Variants in CWC27 observed in about 807,000 individuals in gnomAD.
CWC27 encodes spliceosome-associated protein CWC27 homolog.
CWC27 carries 47 observed loss-of-function variants against 63.6 expected under a neutral mutation model. That is an observed-to-expected ratio of 0.74 (90% CI 0.58 to 0.94). The LOEUF is 0.94. Among genes scored for constraint, CWC27 ranks in the 40% least tolerant of loss-of-function variants. The pLI, the probability that CWC27 is intolerant of heterozygous loss-of-function variation, is 0.00. For missense variants in CWC27, 495 were observed against 554.3 expected (o/e 0.89, Z 1.07); for synonymous variants, 175 against 179.8 (o/e 0.97, Z 0.22).
At chr5:64,902,238 A>G (rs987168738) in intron 11 of CWC27, among the ~76,000 whole-genome samples, 1 of 151,536 alleles carries the variant, frequency 6.6e-6, no homozygotes, top group African/African-American at 2.4e-5. Flanking sequence ...TTACACCAGC[A>G]TAACTACAAA....
chr5:64,916,892 TAG>T (rs768156951), intron 11 of CWC27, among the ~76,000 whole-genome samples: 2,665 of 146,786 alleles, frequency 0.018, 47 homozygotes, highest in African/African-American at 0.052. Flanking sequence ...GTATTAGTAG[TAG>T]TAGTAGTAGT....
At chr5:64,924,191 C>T (rs1459367958) in intron 11 of CWC27, among the ~76,000 whole-genome samples, 2 of 152,160 alleles carry the variant, frequency 1.3e-5, no homozygotes, top group East Asian at 3.8e-4. Flanking sequence ...TCATCTCATT[C>T]TAGTTGTTTC....
Position 64,895,629 on chromosome 5 carries a change from G to A in CWC27, c.1042+10083G>A, listed in dbSNP as rs149032815. On this transcript the variant is annotated intron_variant, in intron 11 of 13. Transcript: ENST00000381070. ...TGACCAAAAGCTAGTAGAAACATCA[G>A]ACAACAGAATGAGATCCACAAAAAG... 8.5e-3 allele frequency among the ~76,000 whole-genome samples: 1,289 copies of A among 152,144 alleles called. 19 individuals carry two copies. Among genetic ancestry groups the A allele is most frequent in the Middle Eastern group, 0.031 (9 of 294 alleles).
intron 11 of CWC27, among the ~76,000 whole-genome samples, chr5:64,943,205 T>C (rs1333665374): frequency 6.7e-6 from 1 of 150,270 alleles, no homozygotes; most frequent in Non-Finnish European, 1.5e-5. Context: ...AAAACAAATG[T>C]TATTTCAGAT....
At chr5:64,855,563 A>T (rs1270077051) in intron 10 of CWC27, among the ~76,000 whole-genome samples, 1 of 152,172 alleles carries the variant, frequency 6.6e-6, no homozygotes, top group African/African-American at 2.4e-5. Flanking sequence ...CATGAGGAAC[A>T]AGTAGAACGT....
intron 13 of CWC27, among the ~76,000 whole-genome samples, chr5:65,001,169 C>T (rs1289334801): frequency 1.3e-5 from 2 of 151,878 alleles, no homozygotes; most frequent in Non-Finnish European, 2.9e-5. Flanking sequence ...GTATGTTGGG[C>T]TTTTGTCCTG....
intron 13 of CWC27, among the ~76,000 whole-genome samples, chr5:65,004,861 C>CATGTATAT (rs1749800146): frequency 2.2e-5 from 1 of 45,472 alleles, no homozygotes; most frequent in Non-Finnish European, 3.9e-5. Flanking sequence ...AAGACTTTTT[C>CATGTATAT]ATATATATAT....
intron 9 of CWC27, 106 bp from the exon 10 acceptor site, chr5:64,804,123 A>C (rs959193640): frequency 9.8e-7 from 1 of 1,024,256 alleles, no homozygotes; most frequent in South Asian, 2.4e-5. Flanking sequence ...ATAAAAAAAA[A>C]AACCTAGTTT....
chr5:64,776,068 C>CGA (rs70983650), intron 2 of CWC27, among the ~76,000 whole-genome samples: 1,713 of 108,418 alleles, frequency 0.016, 43 homozygotes, highest in Non-Finnish European at 0.019. Flanking sequence ...AGGAGTGGAG[C>CGA]GAGAGAGAGA....
chr5:64,954,931 C>A (rs1269514242), intron 11 of CWC27, among the ~76,000 whole-genome samples: 1 of 151,758 alleles, frequency 6.6e-6, no homozygotes, highest in Non-Finnish European at 1.5e-5. Flanking sequence ...ATTTGAACAT[C>A]CAAATTTATA....
At position 64,885,538 on chromosome 5, in the gene CWC27, G is replaced by T. The variant is rs768739768; in HGVS notation, c.1034G>T (p.Arg345Ile). ...AATGCAGCAAAACAAGCAGAAAAAA[G>T]AAGTGAAGGTAAGGGCATTTATCAC... ...VENAAKQAEK[R>I]SEEEEAPPDG... Residue 345 changes from arginine (R) to isoleucine (I), a missense_variant, in exon 11 of 14, where the codon AGA becomes ATA. Around this residue, in one of 3 missense-constraint regions of CWC27, gnomAD observed 463 missense variants for 498.1 expected, o/e 0.93. Coordinates refer to ENST00000381070, the MANE Select transcript of CWC27 (RefSeq NM_005869.4). 2.8e-5 allele frequency: 44 copies of T among 1,596,552 alleles called. No individual in the cohort carries two copies. The highest frequency in any genetic ancestry group is 3.7e-5 in the Non-Finnish European group (43 of 1,170,456).
chr5:64,773,874 G>T (rs1329395761), intron 1 of CWC27: 1 of 152,086 alleles, frequency 6.6e-6, no homozygotes, highest in African/African-American at 2.4e-5. Context: ...AGGCTATCAC[G>T]GGATTCTATT....
intron 11 of CWC27, among the ~76,000 whole-genome samples, chr5:64,905,536 A>T (rs1227790167): frequency 1.3e-5 from 2 of 152,242 alleles, no homozygotes; most frequent in African/African-American, 4.8e-5. Context: ...AGAACAAAAG[A>T]AATAAAGACT....
rs777071657 is a variant in CWC27 at position 64,769,098 on chromosome 5, C to T, written c.-49C>T. On this transcript the variant is annotated 5_prime_UTR_variant, in exon 1 of 14. Transcript: ENST00000381070. Reference sequence around the variant, plus strand: ...TAGGCGGACAGCTTTAGTGGCCGGCCGGCCGCTCTCATCCCCCGTAAGGAG... The same window carrying T: ...TAGGCGGACAGCTTTAGTGGCCGGCTGGCCGCTCTCATCCCCCGTAAGGAG... The T allele has an allele frequency of 3.8e-6, 6 of 1,563,432 alleles. No individual in the cohort carries two copies. The highest frequency in any genetic ancestry group is 1.8e-4 in the Middle Eastern group (1 of 5,502).
At chr5:64,774,994 A>T (rs948031920) in intron 2 of CWC27, among the ~76,000 whole-genome samples, 1 of 152,196 alleles carries the variant, frequency 6.6e-6, no homozygotes, top group African/African-American at 2.4e-5. Flanking sequence ...TCAACAGAGC[A>T]GTTTATCTCA....
chr5:64,779,888 G>A (rs888144068), intron 2 of CWC27, among the ~76,000 whole-genome samples: 1 of 152,092 alleles, frequency 6.6e-6, no homozygotes, highest in Non-Finnish European at 1.5e-5. Flanking sequence ...CCCTGCTTGC[G>A]CTCACTCCAT....
intron 10 of CWC27, among the ~76,000 whole-genome samples, chr5:64,872,139 G>A (rs1387044209): frequency 7.2e-5 from 11 of 152,156 alleles, no homozygotes; most frequent in Non-Finnish European, 1.6e-4. Flanking sequence ...AGAGAATATG[G>A]CATGGAAGCT....
At chr5:64,944,631 G>A (rs10056155) in intron 11 of CWC27, among the ~76,000 whole-genome samples, 57,716 of 151,854 alleles carry the variant, frequency 0.38, 11,555 homozygotes, top group Non-Finnish European at 0.45. Flanking sequence ...GTTAATTTTG[G>A]AATCGTTTTT....
At position 64,980,600 on chromosome 5, in the gene CWC27, A is replaced by G. The variant is rs1749316230; in HGVS notation, c.1256+3362A>G. 1.3e-5 allele frequency among the ~76,000 whole-genome samples: 2 copies of G among 152,204 alleles called. 1 individual carries two copies. The highest frequency in any genetic ancestry group is 4.1e-4 in the South Asian group (2 of 4,832). The stretch of plus-strand genomic sequence containing the variant: ...AATTCTAAGATTAACTTGAAACATT[A>G]CAGCACATATACAAGATAAAATAAT... On this transcript the variant is annotated intron_variant, in intron 13 of 13. Coordinates refer to ENST00000381070, the MANE Select transcript of CWC27 (RefSeq NM_005869.4).
Sources: allele counts gnomAD v4.1 joint callset (sites outside exome capture counted in the v4.1 genomes callset), GRCh38; gene constraint gnomAD v4.1.1; regional missense constraint gnomAD v4.1.1; transcripts MANE v1.5; gene names NCBI Gene and HGNC (gene_info 2026-07-23, HGNC 2026-07-21).